The following PPIH variants were observed in gnomAD, a reference collection of about 807,000 sequenced individuals.
PPIH encodes the protein peptidylprolyl isomerase H, also known as peptidyl-prolyl cis-trans isomerase H.
A neutral mutation model predicts 27.6 loss-of-function variants in PPIH; 16 were observed. The ratio of observed to expected loss-of-function variants is 0.58; its 90% CI spans 0.39 to 0.88. The LOEUF (loss-of-function observed/expected upper bound fraction) is 0.88, where lower values mean the gene tolerates loss of function less well. Among genes scored for constraint, PPIH ranks in the 40% least tolerant of loss-of-function variants. The pLI, the probability that PPIH is intolerant of heterozygous loss-of-function variation, is 0.00. For missense variants in PPIH, 155 were observed against 224.1 expected, an observed-to-expected ratio of 0.69 and a Z score of 1.97; for synonymous variants, 63 against 76.1, an observed-to-expected ratio of 0.83 and a Z score of 0.90.
chr1:42,658,598 T>C (rs1648792503), intron 1 of PPIH, 86 bp downstream of exon 1: 2 of 1,452,772 alleles, frequency 1.4e-6, no homozygotes, highest in Non-Finnish European at 1.9e-6. Flanking sequence ...GAGAGCGGAC[T>C]CGGGAAGCCA....
At chr1:42,659,695 A>G (rs1418081473) in intron 4 of PPIH, 129 bp downstream of exon 4, 21 of 1,376,968 alleles carry the variant, frequency 1.5e-5, no homozygotes, top group East Asian at 2.4e-5. Context: ...TGTGGACTCA[A>G]CAACTGAAGA....
chr1:42,658,976 A>G, intron 2 of PPIH, 68 bp downstream of exon 2: 1 of 1,536,272 alleles, frequency 6.5e-7, no homozygotes. Context: ...GCCGCCTGAA[A>G]TAGCCTGTCT....
chr1:42,669,194 C>CAA (rs11297325), intron 9 of PPIH, among the ~76,000 whole-genome samples: 5,726 of 131,424 alleles, frequency 0.044, 158 homozygotes, highest in African/African-American at 0.072. Context: ...TGGATGACAT[C>CAA]AAAAAAAAAA....
chr1:42,680,412 C>T (rs956117437), downstream of PPIH, among the ~76,000 whole-genome samples: 2 of 152,208 alleles, frequency 1.3e-5, no homozygotes, highest in East Asian at 1.9e-4. Flanking sequence ...CAGTATCCTG[C>T]AGCCAGTAGT....
Position 42,674,822 on chromosome 1 carries a change from T to C in PPIH, c.*22-1762T>C, listed in dbSNP as rs574867661. 3.0e-3 allele frequency among the ~76,000 whole-genome samples: 460 copies of C among 152,282 alleles called. 5 individuals are homozygous for C. The highest frequency in any genetic ancestry group is 0.011 in the African/African-American group (441 of 41,564). On this transcript the variant is annotated intron_variant, in intron 9 of 9. Coordinates refer to ENST00000304979, the MANE Select transcript of PPIH (RefSeq NM_006347.4). Reference sequence around the variant, plus strand: ...TATGTGCCTGCTGGGCATGTGACACTGTATGTTCCCTGTCCTGAAACTCAG... The same window carrying C: ...TATGTGCCTGCTGGGCATGTGACACCGTATGTTCCCTGTCCTGAAACTCAG...
chr1:42,663,474 G>A (rs2148713220), intron 5 of PPIH, among the ~76,000 whole-genome samples: 1 of 151,840 alleles, frequency 6.6e-6, no homozygotes, highest in East Asian at 1.9e-4. Context: ...TTGGCTTACT[G>A]CAACCTCCAC....
chr1:42,659,190 T>C, intron 2 of PPIH, 38 bp from the exon 3 acceptor site: 1 of 1,613,780 alleles, frequency 6.2e-7, no homozygotes, highest in Non-Finnish European at 8.5e-7. Flanking sequence ...GACTGTGACA[T>C]CATAGTGATT....
chr1:42,660,004 G>C (rs957769315), intron 4 of PPIH, among the ~76,000 whole-genome samples: 3 of 152,130 alleles, frequency 2.0e-5, no homozygotes, highest in Non-Finnish European at 4.4e-5. Flanking sequence ...GCCTCACTGT[G>C]GTTAGTAACA....
At position 42,658,446 on chromosome 1, in the gene PPIH, C is replaced by T. The variant is rs1297759997; in HGVS notation, c.-1C>T. The T allele has an allele frequency of 3.7e-6, 6 of 1,613,794 alleles. No individual in the cohort carries two copies. The African/African-American group carries it at 4.0e-5, about 11-fold the overall frequency. ...CCGACTTCTGCTTCCGGGTCGGAGC[C>T]ATGGCGGTGGCAAATTCAAGTCCTG... On this transcript the variant is annotated 5_prime_UTR_variant, in exon 1 of 10. Coordinates refer to ENST00000304979, the MANE Select transcript of PPIH (RefSeq NM_006347.4).
intron 5 of PPIH, among the ~76,000 whole-genome samples, chr1:42,661,240 A>C (rs1229628039): frequency 6.6e-6 from 1 of 152,218 alleles, no homozygotes; most frequent in Non-Finnish European, 1.5e-5. Flanking sequence ...GTCAGAAATC[A>C]GCTGTGGTTT....
At chr1:42,664,264 A>G (rs1649207062) in intron 5 of PPIH, among the ~76,000 whole-genome samples, 1 of 152,166 alleles carries the variant, frequency 6.6e-6, no homozygotes, top group Non-Finnish European at 1.5e-5. Context: ...CAGCTTGCAA[A>G]TGGTAGTCAC....
intron 6 of PPIH, 22 bp downstream of exon 6, chr1:42,664,977 T>A (rs1649250740): frequency 6.2e-7 from 1 of 1,605,842 alleles, no homozygotes; most frequent in African/African-American, 1.3e-5. Flanking sequence ...CCAATCAAGG[T>A]TTTGGGTTAT....
intron 5 of PPIH, among the ~76,000 whole-genome samples, chr1:42,662,857 T>G (rs1288488715): frequency 6.6e-6 from 1 of 152,252 alleles, no homozygotes; most frequent in Non-Finnish European, 1.5e-5. Context: ...TTTAACAGAC[T>G]TAAAATAATC....
Position 42,660,907 on chromosome 1 carries a change from A to T in PPIH, c.243+3A>T. On this transcript the variant is annotated splice_donor_region_variant and intron_variant, in intron 5 of 9. Transcript: ENST00000304979. Reference sequence around the variant, plus strand: ...TTCAGGGTGGAGATTTTGTTAATGTAAGTACTATTCCTTTCCTATCAAAGA... The same window carrying T: ...TTCAGGGTGGAGATTTTGTTAATGTTAGTACTATTCCTTTCCTATCAAAGA... 6.2e-7 allele frequency: 1 copy of T among 1,608,500 alleles called. No individual in the cohort carries two copies. Among genetic ancestry groups the T allele is most frequent in the Non-Finnish European group, 8.5e-7 (1 of 1,175,370 alleles).
At position 42,676,577 on chromosome 1, in the gene PPIH, A is replaced by G. The variant is rs1649896981; in HGVS notation, c.*22-7A>G. 1.3e-5 allele frequency: 2 copies of G among 151,444 alleles called. No individual in the cohort carries two copies. The highest frequency in any genetic ancestry group is 2.0e-4 in the East Asian group (1 of 5,116). The allele number at this position is 151,444 out of a possible 1,614,324, so 9.4% of individuals were successfully genotyped here. On this transcript the variant is annotated splice_polypyrimidine_tract_variant and splice_region_variant and intron_variant, in intron 9 of 9. Coordinates refer to ENST00000304979, the MANE Select transcript of PPIH (RefSeq NM_006347.4). Reference sequence around the variant, plus strand: ...CCACACTGACCTCCATGTCTCTGCCATTGTAGGCCTTCCCTTCTTCTTGGT... The same window carrying G: ...CCACACTGACCTCCATGTCTCTGCCGTTGTAGGCCTTCCCTTCTTCTTGGT...
At chr1:42,664,429 T>C (rs888582006) in intron 5 of PPIH, among the ~76,000 whole-genome samples, 5 of 152,196 alleles carry the variant, frequency 3.3e-5, no homozygotes, top group Non-Finnish European at 2.9e-5. Flanking sequence ...GGTATCATGT[T>C]GTACATACAG....
intron 1 of PPIH, 118 bp downstream of exon 1, chr1:42,658,630 C>A: frequency 2.4e-6 from 3 of 1,247,774 alleles, no homozygotes; most frequent in East Asian, 2.4e-5. Flanking sequence ...AAATTGCACC[C>A]GAACCTACCG....
At chr1:42,664,581 C>T (rs974930026) in intron 5 of PPIH, among the ~76,000 whole-genome samples, 4 of 152,112 alleles carry the variant, frequency 2.6e-5, no homozygotes, top group African/African-American at 4.8e-5. Context: ...TGTTGCTGTT[C>T]CCTACTTTGT....
At chr1:42,659,329 C>T in intron 3 of PPIH, 78 bp downstream of exon 3, 1 of 1,614,196 alleles carries the variant, frequency 6.2e-7, no homozygotes, top group Non-Finnish European at 8.5e-7. Flanking sequence ...ATCGGTGAAC[C>T]ACCTGCTGGC....
Sources: allele counts gnomAD v4.1 joint callset (sites outside exome capture counted in the v4.1 genomes callset), GRCh38; gene constraint gnomAD v4.1.1; transcripts MANE v1.5; gene names NCBI Gene and HGNC (gene_info 2026-07-23, HGNC 2026-07-21).